The following MRAP2 variants were observed in gnomAD, a reference collection of about 807,000 sequenced individuals.
The protein encoded by MRAP2 is melanocortin 2 receptor accessory protein 2.
Under a neutral mutation model 17.4 loss-of-function variants are expected in MRAP2, and 20 were observed. That is an observed-to-expected ratio of 1.15 (90% CI 0.81 to 1.67). The LOEUF (loss-of-function observed/expected upper bound fraction) is 1.67, where lower values mean the gene tolerates loss of function less well. Ranked by LOEUF, MRAP2 falls within the 40% of genes most tolerant of loss-of-function variation. The pLI is 0.00. For missense variants in MRAP2, 238 were observed against 240.0 expected, an observed-to-expected ratio of 0.99 and a Z score of 0.05; for synonymous variants, 96 against 88.4, an observed-to-expected ratio of 1.09 and a Z score of -0.48.
At position 84,090,583 on chromosome 6, in the gene MRAP2, C is replaced by G. The variant is rs1351813552; in HGVS notation, c.*1102C>G. On this transcript the variant is annotated 3_prime_UTR_variant, in exon 4 of 4. Transcript: ENST00000257776. ...TACAGAACAAGAAAAATACTATTTGCCATGCTATTACCTTGGCAGATGTGT... is the reference window on the plus strand; with the variant it reads ...TACAGAACAAGAAAAATACTATTTGGCATGCTATTACCTTGGCAGATGTGT... 5 of 152,246 alleles carry G rather than the reference C, an allele frequency of 3.3e-5. No individual in the cohort carries two copies. Among genetic ancestry groups the G allele is most frequent in the Middle Eastern group, 6.8e-3 (2 of 294 alleles). 9.4% of individuals were successfully genotyped at this position (152,246 alleles called of 1,614,324 possible). A position where few individuals can be genotyped will look rare whatever the true frequency, so the allele number is the denominator to read the frequency against.
At chr6:84,098,562 G>A in the MRAP2 span, among the ~76,000 whole-genome samples, 45 of 152,222 alleles carry the variant, frequency 3.0e-4, 1 homozygote, top group Non-Finnish European at 4.6e-4. Context: ...TTCCAAAATG[G>A]TTGTATGATT....
At chr6:84,079,560 A>G (rs931225465) in intron 3 of MRAP2, among the ~76,000 whole-genome samples, 2 of 152,324 alleles carry the variant, frequency 1.3e-5, no homozygotes, top group Admixed American at 6.5e-5. Context: ...AACTTTACCC[A>G]TTGATGATAA....
At chr6:84,144,627 C>T in the MRAP2 span, among the ~76,000 whole-genome samples, 1 of 151,992 alleles carries the variant, frequency 6.6e-6, no homozygotes, top group Non-Finnish European at 1.5e-5. Flanking sequence ...TACCATTTGG[C>T]CAGGTAAGAA....
rs911797686 is a variant in MRAP2, at chr6:84,089,679, C to G, written c.*198C>G. 1.7e-6 allele frequency: 1 copy of G among 595,536 alleles called. No individual in the cohort carries two copies. Among genetic ancestry groups the G allele is most frequent in the African/African-American group, 1.9e-5 (1 of 53,732 alleles). 36.9% of individuals were successfully genotyped at this position (595,536 alleles called of 1,614,324 possible). On this transcript the variant is annotated 3_prime_UTR_variant, in exon 4 of 4. Transcript: ENST00000257776. ...GGTTTTTTGTTTTGTTTTGTTTTTG[C>G]TTTTTAATACATTTGGAGCTTTGGG...
chr6:84,127,923 G>A, the MRAP2 span, among the ~76,000 whole-genome samples: 1 of 152,180 alleles, frequency 6.6e-6, no homozygotes, highest in Non-Finnish European at 1.5e-5. Context: ...GAGTCTTAAA[G>A]GGTAAGTAGT....
At chr6:84,059,396 C>G (rs1319469238) in intron 2 of MRAP2, among the ~76,000 whole-genome samples, 1 of 152,228 alleles carries the variant, frequency 6.6e-6, no homozygotes, top group African/African-American at 2.4e-5. Context: ...ATTGGCCCTA[C>G]TGCCTTAGGA....
chr6:84,035,386 A>T, intron 1 of MRAP2: 1 of 980,652 alleles, frequency 1.0e-6, no homozygotes, highest in African/African-American at 1.7e-5. Context: ...ACAAATACTT[A>T]CGCCAAACCA....
At chr6:84,127,379 T>C in the MRAP2 span, among the ~76,000 whole-genome samples, 1 of 152,060 alleles carries the variant, frequency 6.6e-6, no homozygotes, top group African/African-American at 2.4e-5. Flanking sequence ...CATGCAAAGA[T>C]ACAAGCAAAT....
At chr6:84,058,339 C>A (rs2099492203) in intron 2 of MRAP2, among the ~76,000 whole-genome samples, 1 of 152,124 alleles carries the variant, frequency 6.6e-6, no homozygotes. Flanking sequence ...ATGGATCTGG[C>A]AAGATTTGTC....
At chr6:84,126,446 C>CGT in the MRAP2 span, 1 of 1,591,106 alleles carries the variant, frequency 6.3e-7, no homozygotes, top group Non-Finnish European at 8.6e-7. Context: ...TCTAAGCCCA[C>CGT]GAAATGTTTC....
At chr6:84,093,495 G>A (rs185118747), downstream of MRAP2, among the ~76,000 whole-genome samples, 1 of 152,258 alleles carries the variant, frequency 6.6e-6, no homozygotes, top group Admixed American at 6.5e-5. Context: ...TTCCAGGATG[G>A]AAATACAGAT....
At chr6:84,073,430 T>G (rs937936594) in intron 3 of MRAP2, among the ~76,000 whole-genome samples, 1 of 152,160 alleles carries the variant, frequency 6.6e-6, no homozygotes, top group Non-Finnish European at 1.5e-5. Flanking sequence ...CCACAGTATT[T>G]GGGGTATCTC....
At chr6:84,058,092 G>A (rs529530688) in intron 2 of MRAP2, among the ~76,000 whole-genome samples, 2 of 152,132 alleles carry the variant, frequency 1.3e-5, no homozygotes, top group Admixed American at 6.5e-5. Context: ...GTCATGCTAA[G>A]GACTTTGTTT....
intron 3 of MRAP2, among the ~76,000 whole-genome samples, chr6:84,081,840 G>GAATA (rs921288795): frequency 6.6e-6 from 1 of 152,166 alleles, no homozygotes; most frequent in Non-Finnish European, 1.5e-5. Context: ...ATGAATGAAT[G>GAATA]AATAAATAAA....
chr6:84,112,548 A>C, the MRAP2 span, among the ~76,000 whole-genome samples: 1 of 152,182 alleles, frequency 6.6e-6, no homozygotes, highest in African/African-American at 2.4e-5. Flanking sequence ...TCTTTACAAA[A>C]AACTGGCTCC....
chr6:84,112,035 T>C, the MRAP2 span, among the ~76,000 whole-genome samples: 1 of 152,212 alleles, frequency 6.6e-6, no homozygotes, highest in East Asian at 1.9e-4. Flanking sequence ...TTCGCATCAA[T>C]GTTATCATGG....
intron 3 of MRAP2, among the ~76,000 whole-genome samples, chr6:84,075,818 T>C (rs1345793868): frequency 6.6e-6 from 1 of 152,166 alleles, no homozygotes; most frequent in Admixed American, 6.5e-5. Context: ...CTATCTTGAA[T>C]AGCAATTTAC....
chr6:84,065,089 A>G (rs1335895080), intron 3 of MRAP2, among the ~76,000 whole-genome samples: 1 of 152,158 alleles, frequency 6.6e-6, no homozygotes, highest in Non-Finnish European at 1.5e-5. Flanking sequence ...GTTCGAGAAC[A>G]GCCTGGGCAA....
chr6:84,137,065 T>C, the MRAP2 span, among the ~76,000 whole-genome samples: 63 of 152,340 alleles, frequency 4.1e-4, no homozygotes, highest in Admixed American at 1.3e-3. Context: ...TTGTGGAGCA[T>C]GCGGCATCTA....
Sources: gnomAD v4.1 joint callset for allele counts (sites outside exome capture counted in the v4.1 genomes callset) on GRCh38, gnomAD v4.1.1 for gene constraint, MANE v1.5 for transcripts, NCBI Gene and HGNC (gene_info 2026-07-23, HGNC 2026-07-21) for gene names.